Variants in USP49 observed in about 807,000 individuals in gnomAD.
USP49 encodes the protein ubiquitin carboxyl-terminal hydrolase 49.
A neutral mutation model predicts 58.6 loss-of-function variants in USP49; 24 were observed. That is an observed-to-expected ratio of 0.41 (90% confidence interval 0.30 to 0.58). The LOEUF is 0.58. Among genes scored for constraint, USP49 ranks in the 20% least tolerant of loss-of-function variants. The pLI is 0.30. For synonymous variants in USP49, 408 were observed against 365.1 expected (o/e 1.12, Z -1.34); for missense variants, 703 against 866.1 (o/e 0.81, Z 2.36).
intron 3 of USP49, among the ~76,000 whole-genome samples, chr6:41,812,871 A>C (rs2127328403): frequency 6.6e-6 from 1 of 152,328 alleles, no homozygotes; most frequent in South Asian, 2.1e-4. Flanking sequence ...AATATTTTCT[A>C]TCTGTATATA....
chr6:41,853,986 C>T (rs1459072330), intron 3 of USP49, among the ~76,000 whole-genome samples: 10 of 100,998 alleles, frequency 9.9e-5, no homozygotes, highest in South Asian at 3.3e-4. Flanking sequence ...GCAACAACAG[C>T]GAGACTCTGT....
At chr6:41,859,582 G>A (rs574512443) in intron 3 of USP49, among the ~76,000 whole-genome samples, 5 of 152,202 alleles carry the variant, frequency 3.3e-5, no homozygotes, top group South Asian at 2.1e-4. Context: ...ACATCGTGCC[G>A]AGAACAGAGC....
At chr6:41,797,895 T>G (rs959788082) in intron 7 of USP49, 1 of 865,844 alleles carries the variant, frequency 1.2e-6, no homozygotes, top group African/African-American at 1.8e-5. Context: ...TGAGTCAGGA[T>G]CTCACTCTGT....
intron 3 of USP49, among the ~76,000 whole-genome samples, chr6:41,827,230 C>G (rs1348626426): frequency 6.6e-6 from 1 of 152,176 alleles, no homozygotes; most frequent in African/African-American, 2.4e-5. Context: ...AGGCTGAGAA[C>G]CTTTAGAGAT....
intron 3 of USP49, among the ~76,000 whole-genome samples, chr6:41,851,039 C>T (rs183087590): frequency 3.5e-4 from 53 of 152,268 alleles, no homozygotes; most frequent in Non-Finnish European, 6.9e-4. Context: ...GACCAGATGG[C>T]TTCACTAGAG....
intron 3 of USP49, among the ~76,000 whole-genome samples, chr6:41,853,277 G>GA (rs778744846): frequency 6.6e-6 from 1 of 152,148 alleles, no homozygotes; most frequent in Non-Finnish European, 1.5e-5. Flanking sequence ...ATGCCCATCG[G>GA]AAAAAGACAA....
intron 2 of USP49, among the ~76,000 whole-genome samples, chr6:41,874,519 G>T (rs569961604): frequency 9.2e-5 from 14 of 152,276 alleles, no homozygotes; most frequent in African/African-American, 3.1e-4. Flanking sequence ...GTTAAATGCT[G>T]TTACATATAT....
At chr6:41,869,076 T>A (rs1432686805) in intron 3 of USP49, among the ~76,000 whole-genome samples, 1 of 142,390 alleles carries the variant, frequency 7.0e-6, no homozygotes, top group Non-Finnish European at 1.5e-5. Flanking sequence ...TTTCTGTTCT[T>A]AGTCTTTTTT....
At chr6:41,841,508 C>T (rs1284609886) in intron 3 of USP49, among the ~76,000 whole-genome samples, 1 of 152,154 alleles carries the variant, frequency 6.6e-6, no homozygotes, top group African/African-American at 2.4e-5. Flanking sequence ...AGATCAAAAT[C>T]TCTAAAGTCT....
intron 3 of USP49, among the ~76,000 whole-genome samples, chr6:41,844,419 G>A (rs1193613839): frequency 6.6e-6 from 1 of 151,710 alleles, no homozygotes; most frequent in Non-Finnish European, 1.5e-5. Flanking sequence ...CCAGGTTCAA[G>A]CGATTCTCTT....
intron 3 of USP49, among the ~76,000 whole-genome samples, chr6:41,839,657 C>T (rs1219065344): frequency 6.6e-6 from 1 of 152,026 alleles, no homozygotes; most frequent in Non-Finnish European, 1.5e-5. Flanking sequence ...TGGACTACTA[C>T]TCAGTCATAA....
intron 7 of USP49, 172 bp downstream of exon 7, chr6:41,798,552 A>C: frequency 1.3e-6 from 2 of 1,521,400 alleles, no homozygotes; most frequent in East Asian, 4.6e-5. Context: ...CTAGGATTAC[A>C]GGTGTGAGCC....
At chr6:41,885,982 TCAAG>T (rs1210801513) in intron 2 of USP49, among the ~76,000 whole-genome samples, 2 of 152,242 alleles carry the variant, frequency 1.3e-5, no homozygotes, top group Non-Finnish European at 2.9e-5. Context: ...TATAAGCTCT[TCAAG>T]TTATGTCACA....
At chr6:41,807,609 T>C (rs577621208) in intron 3 of USP49, among the ~76,000 whole-genome samples, 3 of 150,202 alleles carry the variant, frequency 2.0e-5, no homozygotes, top group East Asian at 3.9e-4. Context: ...ACCCGGCTAA[T>C]TTTTGTATTT....
At chr6:41,800,298 A>G (rs1225552315) in intron 5 of USP49, among the ~76,000 whole-genome samples, 1 of 152,230 alleles carries the variant, frequency 6.6e-6, no homozygotes, top group African/African-American at 2.4e-5. Context: ...TGGGATAGTA[A>G]AACAGAAAAC....
Position 41,803,753 on chromosome 6 carries a change from T to G in USP49, c.1561+53A>C. The G allele has an allele frequency of 3.8e-6, 6 of 1,590,328 alleles. No individual in the cohort carries two copies. The highest frequency in any genetic ancestry group is 5.2e-6 in the Non-Finnish European group (6 of 1,159,358). ...AAGAGGACAAAGCAGCACCTTAAAC[T>G]GATATTCCAATTATTCTTCCCCACT... On this transcript the variant is annotated intron_variant, in intron 5 of 7. Transcript: ENST00000682992. This position sits in a 1 kb window ranked among gnomAD's most constrained non-coding sequence, Gnocchi z 4.1.
intron 7 of USP49, chr6:41,797,963 G>C: frequency 2.9e-6 from 1 of 348,128 alleles, no homozygotes; most frequent in South Asian, 1.2e-4. Flanking sequence ...AAACTCCTGG[G>C]CTTGAGCAAT....
intron 2 of USP49, among the ~76,000 whole-genome samples, chr6:41,877,688 GT>G (rs1249839314): frequency 1.4e-5 from 2 of 146,128 alleles, no homozygotes; most frequent in East Asian, 4.2e-4. Flanking sequence ...AGCCTCCCAA[GT>G]AACTGGGATT....
At chr6:41,804,194 A>C (rs1369388204) in intron 4 of USP49, among the ~76,000 whole-genome samples, 184 bp from the exon 5 acceptor site, 1 of 152,230 alleles carries the variant, frequency 6.6e-6, no homozygotes, top group Non-Finnish European at 1.5e-5. Flanking sequence ...GTACATTTCT[A>C]ACTATGGGAT....
Sources: gnomAD v4.1 joint callset for allele counts (sites outside exome capture counted in the v4.1 genomes callset) on GRCh38, gnomAD v4.1.1 for gene constraint, Gnocchi (gnomAD v3.1) non-coding constraint, MANE v1.5 for transcripts, NCBI Gene and HGNC (gene_info 2026-07-23, HGNC 2026-07-21) for gene names.